PRKG1: variants seen among roughly 807,000 people sequenced by gnomAD.
PRKG1 encodes the protein protein kinase cGMP-dependent 1.
A neutral mutation model predicts 88.1 loss-of-function variants in PRKG1; 35 were observed. The observed-to-expected ratio is 0.40, with a 90% CI of 0.30 to 0.53. The LOEUF (loss-of-function observed/expected upper bound fraction) is 0.53, where lower values mean the gene tolerates loss of function less well. Among genes scored for constraint, PRKG1 ranks in the 20% least tolerant of loss-of-function variants. The probability of loss-of-function intolerance (pLI) is 0.59; values close to 1 mark genes in which losing one functional copy is unlikely to be tolerated. For missense variants in PRKG1, 540 were observed against 839.8 expected, an observed-to-expected ratio of 0.64 and a Z score of 4.41; for synonymous variants, 303 against 292.5, an observed-to-expected ratio of 1.04 and a Z score of -0.37.
intron 3 of PRKG1, among the ~76,000 whole-genome samples, chr10:51,589,586 G>A (rs1325274840): frequency 2.0e-5 from 3 of 152,134 alleles, no homozygotes; most frequent in African/African-American, 7.2e-5. Flanking sequence ...TCGTGCCACT[G>A]CACTCCAGCC....
chr10:52,201,295 A>G (rs1300298524), intron 9 of PRKG1, among the ~76,000 whole-genome samples: 1 of 152,194 alleles, frequency 6.6e-6, no homozygotes, highest in Non-Finnish European at 1.5e-5. Context: ...TTCCAGCACT[A>G]TTTATTAAAT....
intron 1 of PRKG1, among the ~76,000 whole-genome samples, chr10:51,027,687 A>G (rs1843225181): frequency 6.6e-6 from 1 of 152,182 alleles, no homozygotes; most frequent in South Asian, 2.1e-4. Flanking sequence ...ATTTTACTAA[A>G]TCTTCTCAAG....
At chr10:51,200,635 A>C (rs578087959) in intron 2 of PRKG1, among the ~76,000 whole-genome samples, 1 of 152,296 alleles carries the variant, frequency 6.6e-6, no homozygotes, top group East Asian at 1.9e-4. Context: ...CATTGTTGGC[A>C]CCCAAAATCT....
chr10:51,699,045 C>G (rs1157918569), intron 3 of PRKG1: 4 of 1,614,230 alleles, frequency 2.5e-6, no homozygotes, highest in African/African-American at 1.3e-5. Context: ...AGTGCATAAG[C>G]CAGTTGTGGA....
At chr10:52,208,155 A>G (rs1839870073) in intron 9 of PRKG1, among the ~76,000 whole-genome samples, 1 of 152,158 alleles carries the variant, frequency 6.6e-6, no homozygotes, top group Non-Finnish European at 1.5e-5. Flanking sequence ...CTGTCTTGTG[A>G]CCATAGTTAT....
chr10:51,295,165 T>C (rs1840687639), intron 2 of PRKG1, among the ~76,000 whole-genome samples: 1 of 152,198 alleles, frequency 6.6e-6, no homozygotes, highest in Admixed American at 6.6e-5. Context: ...TTTCTACTTT[T>C]GCAAATAATG....
At chr10:51,718,477 A>G (rs899876753) in intron 3 of PRKG1, among the ~76,000 whole-genome samples, 1 of 152,144 alleles carries the variant, frequency 6.6e-6, no homozygotes, top group South Asian at 2.1e-4. Context: ...AAGGCTAAGG[A>G]GTTTGGATTT....
intron 3 of PRKG1, among the ~76,000 whole-genome samples, chr10:51,471,862 A>G (rs73336250): frequency 2.0e-5 from 3 of 151,986 alleles, no homozygotes; most frequent in Admixed American, 6.6e-5. Flanking sequence ...CAATATAATC[A>G]CCACAGAAAG....
chr10:51,278,535 G>T (rs974728930), intron 2 of PRKG1, among the ~76,000 whole-genome samples: 4 of 152,170 alleles, frequency 2.6e-5, no homozygotes, highest in African/African-American at 9.7e-5. Flanking sequence ...AATGGTACCA[G>T]CTCCTCCTTG....
chr10:52,267,631 A>G (rs7095356), intron 10 of PRKG1, among the ~76,000 whole-genome samples: 4,525 of 152,142 alleles, frequency 0.03, 294 homozygotes, highest in East Asian at 0.23. Flanking sequence ...TATTTCACAT[A>G]TAGATGTGTG....
chr10:51,651,785 T>C (rs1415732987), intron 3 of PRKG1, among the ~76,000 whole-genome samples: 3 of 152,082 alleles, frequency 2.0e-5, no homozygotes, highest in Non-Finnish European at 2.9e-5. Flanking sequence ...GGTTTCACCA[T>C]GTTGGCCGGA....
intron 3 of PRKG1, among the ~76,000 whole-genome samples, chr10:51,801,115 T>C (rs1564652259): frequency 6.6e-6 from 1 of 152,108 alleles, no homozygotes; most frequent in Non-Finnish European, 1.5e-5. Context: ...TATCCCTTCA[T>C]TTGTTTTTCT....
At chr10:51,553,138 T>C (rs549242227) in intron 3 of PRKG1, among the ~76,000 whole-genome samples, 2 of 151,824 alleles carry the variant, frequency 1.3e-5, no homozygotes, top group Admixed American at 1.3e-4. Context: ...ATAATTTTGT[T>C]GACTCATTCA....
rs67761270 is a variant in PRKG1 at position 51,003,165 on chromosome 10, AAACAAC to A, written c.266+11562_266+11567del. Among the ~76,000 whole-genome samples the A allele has an allele frequency of 1.8e-3, 270 of 151,068 alleles. 2 individuals are homozygous for A. The highest frequency in any genetic ancestry group is 6.8e-3 in the Middle Eastern group (2 of 292). ...ATGCTTTCTCGTGTCTGCAGGGCCA[AAACAAC>A]AACAACAACAACAACAACAACAACA... On this transcript the variant is annotated intron_variant, in intron 1 of 17. Coordinates refer to the PRKG1 transcript ENST00000401604.
intron 3 of PRKG1, among the ~76,000 whole-genome samples, chr10:51,680,607 G>T (rs928527431): frequency 1.3e-5 from 2 of 152,162 alleles, no homozygotes; most frequent in African/African-American, 2.4e-5. Flanking sequence ...TTCAAAACTC[G>T]GTTCTGTTTC....
chr10:51,687,768 G>A (rs2132384328), intron 3 of PRKG1, among the ~76,000 whole-genome samples: 1 of 152,234 alleles, frequency 6.6e-6, no homozygotes, highest in Non-Finnish European at 1.5e-5. Context: ...AAATATAAAT[G>A]TTTCTACCAA....
chr10:51,769,178 C>T (rs754289731), intron 3 of PRKG1, among the ~76,000 whole-genome samples: 6 of 152,194 alleles, frequency 3.9e-5, no homozygotes, highest in South Asian at 2.1e-4. Flanking sequence ...CCAGATTAAA[C>T]GCACTGAATC....
chr10:51,303,657 G>T (rs979151137), intron 2 of PRKG1, among the ~76,000 whole-genome samples: 1 of 151,728 alleles, frequency 6.6e-6, no homozygotes, highest in African/African-American at 2.4e-5. Flanking sequence ...TTACTTTTTG[G>T]AGAAGATAAT....
At position 51,366,351 on chromosome 10, in the gene PRKG1, T is replaced by C. The variant is rs531131812; in HGVS notation, c.479-101372T>C. 2.0e-5 allele frequency among the ~76,000 whole-genome samples: 3 copies of C among 152,072 alleles called. No individual in the cohort carries two copies. The East Asian group carries it at 5.8e-4, about 29-fold the overall frequency. ...TATTAAAAAGCCACCAGTTCCTTCT[T>C]AAATCCACTTAGATTTTAAAGAGCA... On this transcript the variant is annotated intron_variant, in intron 2 of 17. Coordinates refer to ENST00000373980, the MANE Select transcript of PRKG1 (RefSeq NM_006258.4).
Sources: gnomAD v4.1 joint callset for allele counts (sites outside exome capture counted in the v4.1 genomes callset) on GRCh38, gnomAD v4.1.1 for gene constraint, MANE v1.5 for transcripts, NCBI Gene and HGNC (gene_info 2026-07-23, HGNC 2026-07-21) for gene names.